Variants in SPIDR observed in about 807,000 individuals in gnomAD.
SPIDR encodes the protein scaffold protein involved in DNA repair.
SPIDR carries 93 observed loss-of-function variants against 104.6 expected under a neutral mutation model. The observed-to-expected ratio is 0.89, with a 90% CI of 0.75 to 1.06. The LOEUF (loss-of-function observed/expected upper bound fraction) is 1.06. Ranked by LOEUF, SPIDR falls within the 50% of genes least tolerant of loss-of-function variation. The probability of loss-of-function intolerance (pLI) is 0.00; values close to 1 mark genes in which losing one functional copy is unlikely to be tolerated. For missense variants in SPIDR, 1,154 were observed against 1,111.2 expected (o/e 1.04, Z -0.55); for synonymous variants, 431 against 416.9 (o/e 1.03, Z -0.41).
At chr8:47,333,205 T>G (rs75143523) in intron 5 of SPIDR, among the ~76,000 whole-genome samples, 2,770 of 152,272 alleles carry the variant, frequency 0.018, 88 homozygotes, top group African/African-American at 0.063. Context: ...TATCAGTGCC[T>G]TCTTCTGGAA....
intron 10 of SPIDR, among the ~76,000 whole-genome samples, chr8:47,635,749 C>G (rs1303427272): frequency 6.6e-6 from 1 of 152,006 alleles, no homozygotes; most frequent in Non-Finnish European, 1.5e-5. Context: ...TAAAAAAGAA[C>G]AGATTACCCT....
At chr8:47,273,582 T>G (rs1246976168) in intron 1 of SPIDR, among the ~76,000 whole-genome samples, 4 of 151,806 alleles carry the variant, frequency 2.6e-5, no homozygotes, top group African/African-American at 7.3e-5. Flanking sequence ...AAGAGTTGTT[T>G]TTTTTTTTTA....
chr8:47,639,602 T>C (rs902254665), intron 10 of SPIDR, among the ~76,000 whole-genome samples: 2 of 152,250 alleles, frequency 1.3e-5, no homozygotes, highest in African/African-American at 4.8e-5. Context: ...TTCGACTACA[T>C]ATTGAATGTT....
chr8:47,418,679 G>C (rs1044910080), intron 7 of SPIDR, among the ~76,000 whole-genome samples: 1 of 152,110 alleles, frequency 6.6e-6, no homozygotes, highest in Non-Finnish European at 1.5e-5. Flanking sequence ...GGTGAGAGAG[G>C]GCATCCCTGT....
intron 1 of SPIDR, among the ~76,000 whole-genome samples, chr8:47,270,454 T>C (rs1252982701): frequency 2.0e-5 from 3 of 152,134 alleles, no homozygotes; most frequent in Non-Finnish European, 4.4e-5. Flanking sequence ...TGTAATCTTT[T>C]GGGTTTCTGC....
At chr8:47,396,166 G>A (rs1563839238) in intron 5 of SPIDR, among the ~76,000 whole-genome samples, 1 of 152,100 alleles carries the variant, frequency 6.6e-6, no homozygotes, top group South Asian at 2.1e-4. Flanking sequence ...ATAAAGTCTG[G>A]CTTACAGTTG....
intron 5 of SPIDR, among the ~76,000 whole-genome samples, chr8:47,299,898 T>C (rs1367324929): frequency 5.9e-5 from 9 of 152,350 alleles, no homozygotes; most frequent in African/African-American, 2.2e-4. Flanking sequence ...TCAGGGATAT[T>C]GGTCTAAAAT....
rs200264235 is a variant in SPIDR, at chr8:47,598,951, G to A, written c.1299G>A (p.Val433=). ...CCTTTATGTGTCTTGGCCAGGTTGT[G>A]TGTAGTGGTGTAGCCACTACAGGGA... ...LTNNSPEIQV[V]CSGVATTGTA... is the part of the protein sequence containing the mutation. Residue 433 remains valine (V), a synonymous_variant, in exon 10 of 20, where the codon GTG becomes GTA. Coordinates refer to ENST00000297423, the MANE Select transcript of SPIDR (RefSeq NM_001080394.4). 3.1e-6 allele frequency: 5 copies of A among 1,613,746 alleles called. No individual in the cohort carries two copies. The highest frequency in any genetic ancestry group is 4.2e-6 in the Non-Finnish European group (5 of 1,179,960).
intron 10 of SPIDR, among the ~76,000 whole-genome samples, chr8:47,620,630 T>G (rs1039460742): frequency 2.0e-5 from 3 of 150,506 alleles, no homozygotes; most frequent in Non-Finnish European, 4.4e-5. Context: ...TTCTTTGGGG[T>G]TTTTTTGAGA....
At chr8:47,322,406 T>G (rs1177671634) in intron 5 of SPIDR, among the ~76,000 whole-genome samples, 2 of 152,142 alleles carry the variant, frequency 1.3e-5, no homozygotes, top group Admixed American at 1.3e-4. Flanking sequence ...TCACACCAGT[T>G]AGAATGGCAG....
chr8:47,359,059 A>T (rs1228449992), intron 5 of SPIDR, among the ~76,000 whole-genome samples: 2 of 152,002 alleles, frequency 1.3e-5, no homozygotes, highest in Non-Finnish European at 2.9e-5. Context: ...GAGCACAGAG[A>T]TCTGATTCCC....
intron 5 of SPIDR, among the ~76,000 whole-genome samples, chr8:47,378,450 C>T (rs1554643643): frequency 6.6e-6 from 1 of 152,104 alleles, no homozygotes; most frequent in African/African-American, 2.4e-5. Flanking sequence ...TTCATTTTGC[C>T]TTTCTTTGTA....
At chr8:47,710,762 C>T (rs1241054013) in intron 14 of SPIDR, among the ~76,000 whole-genome samples, 2 of 152,098 alleles carry the variant, frequency 1.3e-5, no homozygotes, top group Non-Finnish European at 2.9e-5. Flanking sequence ...GCCACCACGA[C>T]TGGCCCACTA....
At chr8:47,528,344 C>G (rs776087729) in intron 8 of SPIDR, among the ~76,000 whole-genome samples, 2 of 152,112 alleles carry the variant, frequency 1.3e-5, no homozygotes, top group African/African-American at 4.8e-5. Context: ...TACTAAAGAT[C>G]TTTATACTGC....
intron 8 of SPIDR, among the ~76,000 whole-genome samples, chr8:47,447,074 C>T (rs537624283): frequency 6.6e-6 from 1 of 152,328 alleles, no homozygotes; most frequent in South Asian, 2.1e-4. Flanking sequence ...GAGGAAATAA[C>T]TGCACATGCG....
intron 5 of SPIDR, among the ~76,000 whole-genome samples, chr8:47,375,387 G>A (rs757393759): frequency 1.3e-5 from 2 of 151,252 alleles, no homozygotes. Flanking sequence ...AATTACAGGC[G>A]CACACCACCG....
intron 8 of SPIDR, among the ~76,000 whole-genome samples, chr8:47,550,475 C>T (rs1287384279): frequency 6.6e-6 from 1 of 152,084 alleles, no homozygotes; most frequent in Non-Finnish European, 1.5e-5. Context: ...CTGAAGAGGT[C>T]CTTCACATCC....
At chr8:47,565,780 C>T (rs1162938701) in intron 8 of SPIDR, among the ~76,000 whole-genome samples, 1 of 150,170 alleles carries the variant, frequency 6.7e-6, no homozygotes, top group Non-Finnish European at 1.5e-5. Context: ...AATATTTCTT[C>T]ATTTGCTGTC....
Position 47,712,813 on chromosome 8 carries a change from A to T in SPIDR, c.2129A>T (p.Glu710Val). The T allele has an allele frequency of 6.2e-7, 1 of 1,614,002 alleles. No homozygotes were observed. The highest frequency in any genetic ancestry group is 8.5e-7 in the Non-Finnish European group (1 of 1,180,018). Residue 710 changes from glutamate (E) to valine (V), a missense_variant, in exon 15 of 20, where the codon GAG becomes GTG. Glu to Val is a moderately radical substitution (Grantham distance 121). Coordinates refer to ENST00000297423, the MANE Select transcript of SPIDR (RefSeq NM_001080394.4). ...PLCVLGSEVL[E>V]ALAGAAPHSL... ...TGTGTGCTGGGCTCTGAAGTCCTGGAGGCACTCGCTGGGGCTGCCCCTCAC... is the reference window on the plus strand; with the variant it reads ...TGTGTGCTGGGCTCTGAAGTCCTGGTGGCACTCGCTGGGGCTGCCCCTCAC...
Sources: allele counts gnomAD v4.1 joint callset (sites outside exome capture counted in the v4.1 genomes callset), GRCh38; gene constraint gnomAD v4.1.1; transcripts MANE v1.5; gene names NCBI Gene and HGNC (gene_info 2026-07-23, HGNC 2026-07-21).